Variants in KCNQ1 observed in about 807,000 individuals in gnomAD.
The protein encoded by KCNQ1 is potassium voltage-gated channel subfamily KQT member 1.
A neutral mutation model predicts 72.4 loss-of-function variants in KCNQ1; 49 were observed. That is an observed-to-expected ratio of 0.68 (90% CI 0.54 to 0.86). The LOEUF is 0.86. KCNQ1 is among the 40% of genes least tolerant of loss of function. The pLI is 0.00. For synonymous variants in KCNQ1, 450 were observed against 412.6 expected (o/e 1.09, Z -1.10); for missense variants, 790 against 945.1 (o/e 0.84, Z 2.15).
intron 11 of KCNQ1, among the ~76,000 whole-genome samples, chr11:2,757,109 T>C (rs1228033693): frequency 6.6e-6 from 1 of 152,052 alleles, no homozygotes; most frequent in African/African-American, 2.4e-5. Flanking sequence ...TTCCAGCCAC[T>C]GCAATAAGAC....
At chr11:2,763,442 T>C (rs942017171) in intron 11 of KCNQ1, among the ~76,000 whole-genome samples, 2 of 150,758 alleles carry the variant, frequency 1.3e-5, no homozygotes, top group Non-Finnish European at 3.0e-5. Flanking sequence ...AAAGAAAGAT[T>C]GTGAAAGCAA....
At chr11:2,552,690 C>T (rs774131663) in intron 2 of KCNQ1, among the ~76,000 whole-genome samples, 8 of 150,238 alleles carry the variant, frequency 5.3e-5, no homozygotes, top group Admixed American at 1.3e-4. Context: ...GATCCACGAA[C>T]ACGGTCTCTC....
rs1251778267 is a variant in KCNQ1 at position 2,773,769 on chromosome 11, G to C, written c.1591-2191G>C. Among the ~76,000 whole-genome samples, 3 of 143,618 alleles carry C rather than the reference G, an allele frequency of 2.1e-5. No individual in the cohort carries two copies. The East Asian group carries it at 5.8e-4, about 28-fold the overall frequency. 94.2% of individuals were successfully genotyped at this position (143,618 alleles called of 152,430 possible). On this transcript the variant is annotated intron_variant, in intron 12 of 15. Transcript: ENST00000155840. ...TCAATATCCCATCTTACAGAAAGGA[G>C]AATCAAGGCTCAGCATTCCATCTTA... is the stretch of plus-strand genomic sequence containing the variant.
chr11:2,540,494 A>G (rs1330713572), intron 2 of KCNQ1, among the ~76,000 whole-genome samples: 3 of 152,200 alleles, frequency 2.0e-5, no homozygotes, highest in Admixed American at 6.5e-5. Context: ...AAACTGGCCA[A>G]CGGGATGCCT....
Position 2,704,764 on chromosome 11 carries a change from G to GACA in KCNQ1, c.1514+42685_1514+42686insAAC, listed in dbSNP as rs1339192372. The stretch of plus-strand genomic sequence containing the variant: ...CTCCCTCAGGCGGCAACTTTGTCTA[G>GACA]ACTTCTGGCTGAGGACAGGGAGGAG... On this transcript the variant is annotated intron_variant, in intron 11 of 15. Transcript: ENST00000155840. The surrounding 1 kb of genome is among the most constrained non-coding windows in gnomAD (Gnocchi z 4.3). Among the ~76,000 whole-genome samples the GACA allele has an allele frequency of 1.3e-5, 2 of 152,204 alleles. No homozygotes were observed. Among genetic ancestry groups the GACA allele is most frequent in the African/African-American group, 4.8e-5 (2 of 41,450 alleles).
rs374174998 is a variant in KCNQ1, at chr11:2,732,715, G to C, written c.1515-36129G>C. Reference sequence around the variant, plus strand: ...CAAGCGGCCTTTTCTTCCTCACCGGGCCGGCGCACACAGCTCCCAGCCTGG... The same window carrying C: ...CAAGCGGCCTTTTCTTCCTCACCGGCCCGGCGCACACAGCTCCCAGCCTGG... On this transcript the variant is annotated intron_variant, in intron 11 of 15. Transcript: ENST00000155840. 5.1e-3 allele frequency among the ~76,000 whole-genome samples: 780 copies of C among 152,334 alleles called. 6 individuals are homozygous for C. Among genetic ancestry groups the C allele is most frequent in the Middle Eastern group, 0.02 (6 of 294 alleles).
intron 15 of KCNQ1, among the ~76,000 whole-genome samples, chr11:2,812,966 G>T (rs1328290988): frequency 1.3e-5 from 2 of 152,216 alleles, no homozygotes; most frequent in Admixed American, 1.3e-4. Flanking sequence ...ATGGCCTCAG[G>T]TCTCTGCCCC....
rs969523885 is a variant in KCNQ1 at position 2,588,453 on chromosome 11, G to C, written c.1252-260G>C. 6.6e-6 allele frequency among the ~76,000 whole-genome samples: 1 copy of C among 152,144 alleles called. No homozygotes were observed. The highest frequency in any genetic ancestry group is 1.5e-5 in the Non-Finnish European group (1 of 68,028). On this transcript the variant is annotated intron_variant, in intron 9 of 15. Coordinates refer to ENST00000155840, the MANE Select transcript of KCNQ1 (RefSeq NM_000218.3). The surrounding 1 kb of genome is among the most constrained non-coding windows in gnomAD (Gnocchi z 5.6). ...CACCTCCACTGGCACCATCTTGTAC[G>C]TTTATCTGCTTCCTGCTGTCCTGTT...
At chr11:2,717,332 C>T (rs1442974048) in intron 11 of KCNQ1, among the ~76,000 whole-genome samples, 1 of 152,172 alleles carries the variant, frequency 6.6e-6, no homozygotes, top group Non-Finnish European at 1.5e-5. Flanking sequence ...ACAGCCAGGC[C>T]CTCCCAGGCT....
intron 15 of KCNQ1, among the ~76,000 whole-genome samples, chr11:2,835,443 C>T (rs1450083371): frequency 6.6e-6 from 1 of 152,064 alleles, no homozygotes; most frequent in Non-Finnish European, 1.5e-5. Flanking sequence ...ACATGCAGGC[C>T]AGGCTCCTCG....
rs1845943163 is a variant in KCNQ1, at chr11:2,735,577, G to T, written c.1515-33267G>T. Among the ~76,000 whole-genome samples the T allele has an allele frequency of 6.6e-6, 1 of 152,048 alleles. No individual in the cohort carries two copies. The highest frequency in any genetic ancestry group is 1.5e-5 in the Non-Finnish European group (1 of 68,014). ...CTCTCCCTCCTCACCATTTTCTGTT[G>T]AGCACACTTGAGGAGCACTTGGAGG... On this transcript the variant is annotated intron_variant, in intron 11 of 15. Transcript: ENST00000155840. This position sits in a 1 kb window ranked among gnomAD's most constrained non-coding sequence, Gnocchi z 7.7.
chr11:2,665,272 G>C, intron 11 of KCNQ1: 1 of 398,534 alleles, frequency 2.5e-6, no homozygotes, highest in Non-Finnish European at 4.4e-6. Flanking sequence ...CCCTGAGCCT[G>C]TGTCTCCCAC....
At chr11:2,560,545 G>A (rs1250764114) in intron 2 of KCNQ1, among the ~76,000 whole-genome samples, 2 of 135,242 alleles carry the variant, frequency 1.5e-5, no homozygotes, top group Non-Finnish European at 3.2e-5. Context: ...GGGGGCGGGG[G>A]GGGGTGACGT....
intron 11 of KCNQ1, among the ~76,000 whole-genome samples, chr11:2,733,822 A>C (rs400685): frequency 9.7e-5 from 9 of 92,410 alleles, no homozygotes; most frequent in Non-Finnish European, 1.5e-4. Context: ...ACACTCTCTC[A>C]CTCTCTCTCT....
At chr11:2,755,392 A>G (rs1846282979) in intron 11 of KCNQ1, among the ~76,000 whole-genome samples, 2 of 152,196 alleles carry the variant, frequency 1.3e-5, no homozygotes, top group South Asian at 4.1e-4. Flanking sequence ...CTGGGACTAC[A>G]CGCACGTGCC....
chr11:2,668,227 G>T lies in KCNQ1; in HGVS notation c.1514+6146G>T. On this transcript the variant is annotated intron_variant, in intron 11 of 15. Transcript: ENST00000155840. This position sits in a 1 kb window ranked among gnomAD's most constrained non-coding sequence, Gnocchi z 4.3. ...ATCATTCATCCATTCTACCACCTGT[G>T]GCCAGCAGGCAGTTTCTGGTGTAGG... The T allele has an allele frequency of 2.5e-6, 1 of 398,576 alleles. No homozygotes were observed. Among genetic ancestry groups the T allele is most frequent in the East Asian group, 3.6e-5 (1 of 28,082 alleles). The allele number at this position is 398,576 out of a possible 1,614,324, so 24.7% of individuals were successfully genotyped here. A position where few individuals can be genotyped will look rare whatever the true frequency, so the allele number is the denominator to read the frequency against.
At chr11:2,461,441 C>T (rs1310729045) in intron 1 of KCNQ1, 3 of 1,283,592 alleles carry the variant, frequency 2.3e-6, no homozygotes, top group Non-Finnish European at 3.0e-6. Flanking sequence ...GGCCCCTCTT[C>T]CCTTCCTCCC....
chr11:2,743,958 G>T (rs1346381251), intron 11 of KCNQ1, among the ~76,000 whole-genome samples: 1 of 152,200 alleles, frequency 6.6e-6, no homozygotes. Flanking sequence ...CTGCAGACCT[G>T]CTCCTGCCCG....
chr11:2,651,957 G>T lies in KCNQ1; in HGVS notation c.1394-10004G>T. On this transcript the variant is annotated intron_variant, in intron 10 of 15. Transcript: ENST00000155840. The surrounding 1 kb of genome is among the most constrained non-coding windows in gnomAD (Gnocchi z 6.1). ...CAGCCCTCCTGCAGCCAGCAGCAGT[G>T]GGGGAGCCAAGCTGAGTTGATTACT... is the stretch of plus-strand genomic sequence containing the variant. 2 of 398,686 alleles carry T rather than the reference G, an allele frequency of 5.0e-6. No individual in the cohort carries two copies. Among genetic ancestry groups the T allele is most frequent in the Non-Finnish European group, 8.8e-6 (2 of 226,122 alleles). The allele number at this position is 398,686 out of a possible 1,614,324, so 24.7% of individuals were successfully genotyped here.
Sources: gnomAD v4.1 joint callset for allele counts (sites outside exome capture counted in the v4.1 genomes callset) on GRCh38, gnomAD v4.1.1 for gene constraint, Gnocchi (gnomAD v3.1) non-coding constraint, MANE v1.5 for transcripts, NCBI Gene and HGNC (gene_info 2026-07-23, HGNC 2026-07-21) for gene names.